The following VWC2 variants were observed in gnomAD, a reference collection of about 807,000 sequenced individuals.
The protein encoded by VWC2 is brorin.
Under a neutral mutation model 29.8 loss-of-function variants are expected in VWC2, and 14 were observed. The observed-to-expected ratio is 0.47, with a 90% confidence interval of 0.31 to 0.74. The LOEUF (loss-of-function observed/expected upper bound fraction) is 0.74, where lower values mean the gene tolerates loss of function less well. Among genes scored for constraint, VWC2 ranks in the 30% least tolerant of loss-of-function variants. The probability of loss-of-function intolerance (pLI) is 0.05; values close to 1 mark genes in which losing one functional copy is unlikely to be tolerated. For missense variants in VWC2, 457 were observed against 459.8 expected (o/e 0.99, Z 0.05); for synonymous variants, 213 against 199.0 (o/e 1.07, Z -0.59).
At chr7:49,845,661 G>C in intron 3 of VWC2, among the ~76,000 whole-genome samples, 1 of 151,310 alleles carries the variant, frequency 6.6e-6, no homozygotes, top group East Asian at 1.9e-4. Context: ...ACCAACCTTC[G>C]GTGATACTTC....
At chr7:49,846,263 T>G (rs1789943075) in intron 3 of VWC2, among the ~76,000 whole-genome samples, 1 of 152,134 alleles carries the variant, frequency 6.6e-6, no homozygotes, top group Non-Finnish European at 1.5e-5. Flanking sequence ...ATGTCGCCAC[T>G]TCCTCTGTGG....
intron 3 of VWC2, among the ~76,000 whole-genome samples, chr7:49,846,674 T>C (rs1313529457): frequency 6.6e-6 from 1 of 152,226 alleles, no homozygotes; most frequent in Admixed American, 6.5e-5. Context: ...AGAGACGTTT[T>C]CATCACAGTA....
intron 3 of VWC2, among the ~76,000 whole-genome samples, chr7:49,885,961 G>C (rs1163070825): frequency 6.6e-6 from 1 of 152,260 alleles, no homozygotes; most frequent in African/African-American, 2.4e-5. Context: ...CCTGCAAGGG[G>C]AAGTTTGGAG....
intron 3 of VWC2, among the ~76,000 whole-genome samples, chr7:49,862,597 G>T (rs1236488515): frequency 6.6e-6 from 1 of 151,046 alleles, no homozygotes; most frequent in Non-Finnish European, 1.5e-5. Flanking sequence ...TTAGCTGTAG[G>T]TTTTTCATAA....
intron 3 of VWC2, among the ~76,000 whole-genome samples, chr7:49,818,558 G>C (rs929002993): frequency 6.6e-6 from 1 of 151,998 alleles, no homozygotes; most frequent in South Asian, 2.1e-4. Flanking sequence ...AAGTGGAACA[G>C]AGCAACATCC....
intron 2 of VWC2, among the ~76,000 whole-genome samples, chr7:49,791,941 A>G (rs1051045744): frequency 3.3e-5 from 5 of 152,162 alleles, no homozygotes; most frequent in African/African-American, 9.7e-5. Context: ...TACTTGTTCT[A>G]CTTACTTGTG....
intron 3 of VWC2, among the ~76,000 whole-genome samples, chr7:49,848,615 C>T (rs1365081628): frequency 6.6e-6 from 1 of 152,222 alleles, no homozygotes; most frequent in East Asian, 1.9e-4. Flanking sequence ...TTCCCTTTCT[C>T]CACTTGTAAA....
intron 3 of VWC2, among the ~76,000 whole-genome samples, chr7:49,852,693 G>A (rs1790230061): frequency 6.6e-6 from 1 of 152,048 alleles, no homozygotes; most frequent in Non-Finnish European, 1.5e-5. Flanking sequence ...GACGGATGGG[G>A]GACGGGCCTT....
intron 3 of VWC2, among the ~76,000 whole-genome samples, chr7:49,879,451 G>A (rs957984433): frequency 5.3e-5 from 8 of 152,152 alleles, no homozygotes; most frequent in African/African-American, 1.9e-4. Context: ...GTACCAGACA[G>A]CATGCCATGT....
intron 3 of VWC2, among the ~76,000 whole-genome samples, chr7:49,892,547 A>G (rs541849206): frequency 6.6e-6 from 1 of 152,332 alleles, no homozygotes; most frequent in East Asian, 1.9e-4. Flanking sequence ...GCAAAGGCAC[A>G]TGAGGGGGCT....
chr7:49,841,658 C>T (rs1038046192), intron 3 of VWC2, among the ~76,000 whole-genome samples: 1 of 152,170 alleles, frequency 6.6e-6, no homozygotes, highest in African/African-American at 2.4e-5. Context: ...CTCAGGGAGG[C>T]CCTGCAGTAG....
At chr7:49,802,963 TGCGTACACAC>T in intron 3 of VWC2, 123 bp downstream of exon 3, 1 of 1,250,002 alleles carries the variant, frequency 8.0e-7, no homozygotes, top group Non-Finnish European at 1.1e-6. Context: ...TCAATACACA[TGCGTACACAC>T]GTGTGTAATC....
rs1313589134 is a variant in VWC2 at position 49,885,260 on chromosome 7, CT to C, written c.827-26773del. ...CTTTTGAAAAGCGAGTAATATGTCT[CT>C]AGTTAAAATTGGCACATAAAATGAG... On this transcript the variant is annotated intron_variant, in intron 3 of 3. Coordinates refer to ENST00000340652, the MANE Select transcript of VWC2 (RefSeq NM_198570.5). 3.3e-5 allele frequency among the ~76,000 whole-genome samples: 5 copies of C among 152,046 alleles called. No individual in the cohort carries two copies. The South Asian group carries it at 8.3e-4, about 25-fold the overall frequency.
At chr7:49,880,815 C>T (rs978034455) in intron 3 of VWC2, among the ~76,000 whole-genome samples, 5 of 151,980 alleles carry the variant, frequency 3.3e-5, no homozygotes, top group African/African-American at 9.7e-5. Context: ...GTTTACATGG[C>T]TTCATTATGC....
At position 49,775,863 on chromosome 7, in the gene VWC2, A is replaced by C; in HGVS notation, c.428A>C (p.Glu143Ala). The change falls in exon 2 of 4, where the codon GAG becomes GCG. Residue 143 changes from glutamate (E) to alanine (A), a missense_variant. Around this residue, in one of 2 missense-constraint regions of VWC2, gnomAD observed 185 missense variants for 257.1 expected, o/e 0.72. Coordinates refer to ENST00000340652, the MANE Select transcript of VWC2 (RefSeq NM_198570.5). Reference sequence around the variant, plus strand: ...CTCGCGCCCACGCCCGAGCCACCCGAGGAGTACGTGTACCCGGACTACCGT... The same window carrying C: ...CTCGCGCCCACGCCCGAGCCACCCGCGGAGTACGTGTACCCGGACTACCGT... ...PELAPTPEPPEEYVYPDYRGK... is the reference protein window; with the variant it reads ...PELAPTPEPPAEYVYPDYRGK... 6.4e-7 allele frequency: 1 copy of C among 1,555,778 alleles called. No homozygotes were observed. The highest frequency in any genetic ancestry group is 8.7e-7 in the Non-Finnish European group (1 of 1,150,578).
intron 2 of VWC2, 141 bp from the exon 3 acceptor site, chr7:49,802,570 A>C: frequency 2.6e-6 from 3 of 1,141,780 alleles, no homozygotes; most frequent in Non-Finnish European, 3.7e-6. Flanking sequence ...CTCGGGAAAC[A>C]GAGGTTGCGG....
chr7:49,883,033 C>A (rs1409535267), intron 3 of VWC2, among the ~76,000 whole-genome samples: 1 of 152,076 alleles, frequency 6.6e-6, no homozygotes, highest in East Asian at 1.9e-4. Flanking sequence ...AACATTCCCT[C>A]TTCCTCCCTG....
At position 49,775,808 on chromosome 7, in the gene VWC2, G is replaced by A; in HGVS notation, c.373G>A (p.Ala125Thr). The A allele has an allele frequency of 6.5e-7, 1 of 1,538,002 alleles. No homozygotes were observed. Among genetic ancestry groups the A allele is most frequent in the Non-Finnish European group, 8.8e-7 (1 of 1,142,082 alleles). The stretch of plus-strand genomic sequence containing the variant: ...CACCCCGCAGGCGGAAGCCCTGGCC[G>A]CAGCCGCCCAGGACGCGATTGGCCC... ...GDTPQAEALA[A>T]AAQDAIGPEL... Residue 125 changes from alanine (A) to threonine (T), a missense_variant, in exon 2 of 4, where the codon GCA becomes ACA. Physicochemically the swap from Ala to Thr is moderately conservative, Grantham distance 58 (BLOSUM62 0). This residue lies in a region of VWC2 where 272 missense variants were observed against 202.7 expected (regional missense o/e 1.34). Coordinates refer to ENST00000340652, the MANE Select transcript of VWC2 (RefSeq NM_198570.5).
At chr7:49,900,487 C>T (rs952765038) in intron 3 of VWC2, among the ~76,000 whole-genome samples, 1 of 151,610 alleles carries the variant, frequency 6.6e-6, no homozygotes, top group Non-Finnish European at 1.5e-5. Context: ...CATTACAGAT[C>T]CCATGGACAT....
Sources: allele counts gnomAD v4.1 joint callset (sites outside exome capture counted in the v4.1 genomes callset), GRCh38; gene constraint gnomAD v4.1.1; regional missense constraint gnomAD v4.1.1; transcripts MANE v1.5; gene names NCBI Gene and HGNC (gene_info 2026-07-23, HGNC 2026-07-21).